RFFL: variants seen among roughly 807,000 people sequenced by gnomAD.
The protein encoded by RFFL is E3 ubiquitin-protein ligase rififylin.
A neutral mutation model predicts 40.4 loss-of-function variants in RFFL; 16 were observed. The ratio of observed to expected loss-of-function variants is 0.40; its 90% CI spans 0.27 to 0.60. The LOEUF (loss-of-function observed/expected upper bound fraction) is 0.60. Among genes scored for constraint, RFFL ranks in the 20% least tolerant of loss-of-function variants. The pLI is 0.47. For missense variants in RFFL, 367 were observed against 451.7 expected (o/e 0.81, Z 1.70); for synonymous variants, 154 against 167.9 (o/e 0.92, Z 0.64).
At chr17:35,061,622 G>A (rs1037695678) in intron 1 of RFFL, among the ~76,000 whole-genome samples, 2 of 149,916 alleles carry the variant, frequency 1.3e-5, no homozygotes, top group African/African-American at 5.0e-5. Context: ...CATGCGTGGC[G>A]TGCCTTTTTT....
chr17:35,070,377 C>T (rs1411167993), intron 1 of RFFL, among the ~76,000 whole-genome samples: 2 of 152,028 alleles, frequency 1.3e-5, no homozygotes, highest in Non-Finnish European at 2.9e-5. Context: ...AATATGGTTC[C>T]CAGACTGATC....
chr17:35,086,738 G>A (rs1007457482), intron 1 of RFFL, among the ~76,000 whole-genome samples: 17 of 152,164 alleles, frequency 1.1e-4, no homozygotes, highest in Non-Finnish European at 1.9e-4. Context: ...CTAAGGTATA[G>A]AGGTTAAATC....
At chr17:35,072,578 C>A (rs767398648) in intron 1 of RFFL, among the ~76,000 whole-genome samples, 1 of 147,188 alleles carries the variant, frequency 6.8e-6, no homozygotes, top group Non-Finnish European at 1.5e-5. Flanking sequence ...CACACACACA[C>A]ACACACATGC....
intron 1 of RFFL, among the ~76,000 whole-genome samples, chr17:35,083,253 G>A (rs1026309213): frequency 2.6e-5 from 4 of 152,104 alleles, no homozygotes; most frequent in South Asian, 2.1e-4. Flanking sequence ...TGAGATAAAC[G>A]AAGCTACTTT....
chr17:35,065,663 C>G (rs990496659), upstream of RFFL, among the ~76,000 whole-genome samples: 5 of 152,048 alleles, frequency 3.3e-5, no homozygotes, highest in South Asian at 6.2e-4. Context: ...GCATGGAACT[C>G]CTAAGTTGAC....
At chr17:35,057,414 G>A (rs2091267563) in intron 1 of RFFL, among the ~76,000 whole-genome samples, 1 of 151,500 alleles carries the variant, frequency 6.6e-6, no homozygotes, top group African/African-American at 2.4e-5. Context: ...TACAAACTTG[G>A]GTTCCTTTTC....
chr17:35,069,901 T>C (rs187867070), intron 1 of RFFL, among the ~76,000 whole-genome samples: 6 of 151,846 alleles, frequency 4.0e-5, no homozygotes, highest in African/African-American at 1.2e-4. Flanking sequence ...CCATCCCAGG[T>C]CCTAAATGCT....
chr17:35,038,866 T>C (rs928714959), intron 1 of RFFL, among the ~76,000 whole-genome samples: 3 of 152,232 alleles, frequency 2.0e-5, no homozygotes, highest in Non-Finnish European at 4.4e-5. Flanking sequence ...ACTTATAATT[T>C]ATATACTTCT....
chr17:35,036,960 A>C (rs2091127433), intron 1 of RFFL, among the ~76,000 whole-genome samples: 1 of 152,182 alleles, frequency 6.6e-6, no homozygotes, highest in Non-Finnish European at 1.5e-5. Flanking sequence ...GACACCAAAA[A>C]ACTAAGGCAG....
chr17:35,076,122 T>C (rs1185761077), intron 1 of RFFL, among the ~76,000 whole-genome samples: 2 of 148,510 alleles, frequency 1.3e-5, no homozygotes, highest in Non-Finnish European at 3.0e-5. Context: ...GCCTCTCGAA[T>C]AGCTGGGACT....
At chr17:35,061,626 C>CT (rs71364702) in intron 1 of RFFL, among the ~76,000 whole-genome samples, 4,365 of 137,352 alleles carry the variant, frequency 0.032, 206 homozygotes, top group African/African-American at 0.11. Flanking sequence ...CGTGGCGTGC[C>CT]TTTTTTTTTT....
rs1283763425 is a variant in RFFL, at chr17:35,012,030, T to TGC, written c.1028_1029dup (p.Met344AlafsTer2). On this transcript the variant is annotated frameshift_variant, in exon 7 of 7. Transcript: ENST00000394597. LOFTEE classifies it high-confidence loss of function. The stretch of plus-strand genomic sequence containing the variant: ...TGCCGGCAGATGGGACATTCATTCA[T>TGC]GCGCTTGCCACACTTGGTACAGGTT... The TGC allele has an allele frequency of 6.2e-7, 1 of 1,614,084 alleles. No homozygotes were observed. The highest frequency in any genetic ancestry group is 1.3e-5 in the African/African-American group (1 of 74,908).
chr17:35,069,178 C>G (rs1227655092), intron 1 of RFFL: 2 of 452,130 alleles, frequency 4.4e-6, no homozygotes, highest in African/African-American at 2.0e-5. Flanking sequence ...GTCTCTTCTC[C>G]TAATACACAC....
chr17:35,040,860 T>G (rs1285827260), intron 1 of RFFL, among the ~76,000 whole-genome samples: 1 of 47,642 alleles, frequency 2.1e-5, no homozygotes, highest in African/African-American at 5.8e-5. Flanking sequence ...TTTTTTTTTT[T>G]TTTTGGTGTG....
chr17:35,015,596 A>T (rs758883091), intron 5 of RFFL, among the ~76,000 whole-genome samples: 36 of 152,232 alleles, frequency 2.4e-4, no homozygotes, highest in Non-Finnish European at 4.8e-4. Flanking sequence ...AGCTACTGGT[A>T]GAAGAGAGCC....
chr17:35,067,200 C>T (rs1405108981), upstream of RFFL, among the ~76,000 whole-genome samples: 1 of 151,762 alleles, frequency 6.6e-6, no homozygotes, highest in Non-Finnish European at 1.5e-5. Context: ...TCACTGCAAC[C>T]TCCACCTCCT....
chr17:35,073,089 C>T lies in RFFL; in HGVS notation c.-9+16016G>A, dbSNP rs574117466. The stretch of plus-strand genomic sequence containing the variant: ...TATTCAGTCAACTGTCCAGCCACTA[C>T]GGGGAGCTAAAAAAGGCAAAATGTT... On this transcript the variant is annotated intron_variant, in intron 1 of 6. Transcript: ENST00000315249. Among the ~76,000 whole-genome samples, 61 of 151,204 alleles carry T rather than the reference C, an allele frequency of 4.0e-4. No homozygotes were observed. The South Asian group carries it at 0.012, about 29-fold the overall frequency.
At chr17:35,059,310 C>T (rs142272491) in intron 1 of RFFL, among the ~76,000 whole-genome samples, 37 of 152,180 alleles carry the variant, frequency 2.4e-4, no homozygotes, top group Non-Finnish European at 4.1e-4. Flanking sequence ...TGAGCCACTG[C>T]GCTCGGCCAC....
Position 35,008,318 on chromosome 17 carries a change from GCAAGTTAGTTAGTTACAA to G in RFFL, c.*3632_*3649del, listed in dbSNP as rs2090910061. The G allele has an allele frequency of 6.6e-6, 1 of 152,216 alleles. No homozygotes were observed. The highest frequency in any genetic ancestry group is 6.5e-5 in the Admixed American group (1 of 15,288). The allele number at this position is 152,216 out of a possible 1,614,324, so 9.4% of individuals were successfully genotyped here. On this transcript the variant is annotated 3_prime_UTR_variant, in exon 7 of 7. Transcript: ENST00000394597. Reference sequence around the variant, plus strand: ...CCATATATTACATTTGTGGTCTTGAGCAAGTTAGTTAGTTACAACAACACTGAGCATCTTGACCAAGGT... The same window carrying G: ...CCATATATTACATTTGTGGTCTTGAGCAACACTGAGCATCTTGACCAAGGT...
Sources: allele counts gnomAD v4.1 joint callset (sites outside exome capture counted in the v4.1 genomes callset), GRCh38; gene constraint gnomAD v4.1.1; transcripts MANE v1.5; gene names NCBI Gene and HGNC (gene_info 2026-07-23, HGNC 2026-07-21).